MGME1: variants seen among roughly 807,000 people sequenced by gnomAD.
MGME1 encodes the protein mitochondrial genome maintenance exonuclease 1.
Under a neutral mutation model 33.0 loss-of-function variants are expected in MGME1, and 22 were observed. The observed-to-expected ratio is 0.67, with a 90% CI of 0.48 to 0.95. The LOEUF (loss-of-function observed/expected upper bound fraction) is 0.95, where lower values mean the gene tolerates loss of function less well. Among genes scored for constraint, MGME1 ranks in the 40% least tolerant of loss-of-function variants. The pLI, the probability that MGME1 is intolerant of heterozygous loss-of-function variation, is 0.00. For missense variants in MGME1, 383 were observed against 397.8 expected, an observed-to-expected ratio of 0.96 and a Z score of 0.32; for synonymous variants, 133 against 144.0, an observed-to-expected ratio of 0.92 and a Z score of 0.55.
At position 17,990,309 on chromosome 20, in the gene MGME1, G is replaced by A. The variant is rs1179315299; in HGVS notation, c.*200G>A. On this transcript the variant is annotated 3_prime_UTR_variant, in exon 5 of 5. Coordinates refer to ENST00000377710, the MANE Select transcript of MGME1 (RefSeq NM_052865.4). ...GTCTAGATATAAAGACCTAGACTTC[G>A]GCACGCGAAATCCCAGCTATGCTAC... is the stretch of plus-strand genomic sequence containing the variant. 1.7e-5 allele frequency: 10 copies of A among 584,350 alleles called. No homozygotes were observed. Among genetic ancestry groups the A allele is most frequent in the Middle Eastern group, 3.6e-4 (1 of 2,770 alleles). 36.2% of individuals were successfully genotyped at this position (584,350 alleles called of 1,614,324 possible).
intron 3 of MGME1, among the ~76,000 whole-genome samples, chr20:17,976,811 G>A (rs548283282): frequency 1.3e-5 from 2 of 152,162 alleles, no homozygotes; most frequent in East Asian, 2.0e-4. Flanking sequence ...ACAGGCATGC[G>A]CCACCATGTG....
chr20:17,981,648 C>CTGTGTGT (rs1491588702), intron 3 of MGME1, among the ~76,000 whole-genome samples: 45 of 139,696 alleles, frequency 3.2e-4, no homozygotes, highest in African/African-American at 1.2e-3. Flanking sequence ...ATCTACTACT[C>CTGTGTGT]GTGTGTGTGT....
chr20:17,986,199 G>T (rs2036150458), intron 3 of MGME1, among the ~76,000 whole-genome samples: 1 of 152,010 alleles, frequency 6.6e-6, no homozygotes, highest in Admixed American at 6.6e-5. Flanking sequence ...CTCCCGAGTA[G>T]CTGGGATTAC....
chr20:17,987,631 G>T lies in MGME1; in HGVS notation c.732-535G>T, dbSNP rs76095794. 8.5e-3 allele frequency among the ~76,000 whole-genome samples: 1,297 copies of T among 152,170 alleles called. 18 individuals carry two copies. Among genetic ancestry groups the T allele is most frequent in the African/African-American group, 0.03 (1,250 of 41,484 alleles). On this transcript the variant is annotated intron_variant, in intron 3 of 4. Transcript: ENST00000377710. ...GCTCACATTTTACTTCTTTTAGCCA[G>T]TGCTGCTCTAGACTGAGTTTGCATG...
intron 1 of MGME1, 53 bp from the exon 2 acceptor site, chr20:17,969,747 TG>T: frequency 1.8e-6 from 2 of 1,089,288 alleles, no homozygotes; most frequent in Non-Finnish European, 2.6e-6. Context: ...AATTTTGATG[TG>T]CAATATCATT....
intron 1 of MGME1, among the ~76,000 whole-genome samples, chr20:17,969,407 G>A (rs1352097989): frequency 6.6e-6 from 1 of 152,236 alleles, no homozygotes; most frequent in Non-Finnish European, 1.5e-5. Flanking sequence ...AGGACCAAAT[G>A]AGAAGTATCC....
At position 17,989,388 on chromosome 20, in the gene MGME1, CAAATAAATAAAT is replaced by C. The variant is rs58644150; in HGVS notation, c.865-529_865-518del. Reference sequence around the variant, plus strand: ...GCAACAGAGCAAGACTGTCTCTCTCCAAATAAATAAATAAATAAATAAATAAATAAATAGCAC... The same window carrying C: ...GCAACAGAGCAAGACTGTCTCTCTCCAAATAAATAAATAAATAAATAGCAC... On this transcript the variant is annotated intron_variant, in intron 4 of 4. Transcript: ENST00000377710. 9.4e-3 allele frequency among the ~76,000 whole-genome samples: 1,342 copies of C among 142,466 alleles called. 7 individuals carry two copies. The highest frequency in any genetic ancestry group is 0.014 in the African/African-American group (516 of 36,976). The allele number at this position is 142,466 out of a possible 152,430, so 93.5% of individuals were successfully genotyped here. A position where few individuals can be genotyped will look rare whatever the true frequency, so the allele number is the denominator to read the frequency against.
chr20:17,972,019 G>A (rs1007587195), intron 2 of MGME1, among the ~76,000 whole-genome samples: 2 of 152,118 alleles, frequency 1.3e-5, no homozygotes, highest in Non-Finnish European at 2.9e-5. Flanking sequence ...CTACAGGTGT[G>A]ACCCACTGTG....
At chr20:17,979,202 G>A (rs1010117293) in intron 3 of MGME1, among the ~76,000 whole-genome samples, 2 of 151,484 alleles carry the variant, frequency 1.3e-5, no homozygotes, top group African/African-American at 4.9e-5. Context: ...TCAGCCTCCT[G>A]AGTAGTTGGG....
chr20:17,968,771 C>A, upstream of MGME1: 2 of 333,154 alleles, frequency 6.0e-6, no homozygotes, highest in South Asian at 4.5e-5. Context: ...GGACACTCTC[C>A]CAGCAAGACG....
At position 17,990,530 on chromosome 20, in the gene MGME1, G is replaced by A. The variant is rs2036275737; in HGVS notation, c.*421G>A. 3 of 250,094 alleles carry A rather than the reference G, an allele frequency of 1.2e-5. No individual in the cohort carries two copies. Among genetic ancestry groups the A allele is most frequent in the South Asian group, 6.5e-5 (1 of 15,410 alleles). 15.5% of individuals were successfully genotyped at this position (250,094 alleles called of 1,614,324 possible). A position where few individuals can be genotyped will look rare whatever the true frequency, so the allele number is the denominator to read the frequency against. ...TCACCCAGAGGGGAAGGGGCTACAT[G>A]CCCCCAGCTGTGTGCAGGGAGGACA... On this transcript the variant is annotated 3_prime_UTR_variant, in exon 5 of 5. Coordinates refer to ENST00000377710, the MANE Select transcript of MGME1 (RefSeq NM_052865.4).
chr20:17,968,990 C>T (rs2122463089), upstream of MGME1: 1 of 154,216 alleles, frequency 6.5e-6, no homozygotes, highest in Non-Finnish European at 1.5e-5. Context: ...CGACGAAAGC[C>T]TCGGGTGGGG....
Position 17,969,840 on chromosome 20 carries a change from TA to T in MGME1, c.-17del. ...AGGCCTTCGACCGTTGCAAATAGAC[TA>T]AAGTGAAAACAAATCTGAATGAAGA... On this transcript the variant is annotated 5_prime_UTR_variant, in exon 2 of 5. Coordinates refer to ENST00000377710, the MANE Select transcript of MGME1 (RefSeq NM_052865.4). The T allele has an allele frequency of 3.1e-6, 5 of 1,587,760 alleles. No homozygotes were observed. The highest frequency in any genetic ancestry group is 3.4e-6 in the Non-Finnish European group (4 of 1,169,820).
intron 3 of MGME1, among the ~76,000 whole-genome samples, chr20:17,977,777 G>A (rs1202972529): frequency 2.0e-5 from 3 of 152,104 alleles, no homozygotes; most frequent in Non-Finnish European, 4.4e-5. Flanking sequence ...AACATCTAGA[G>A]GCTATGAATG....
Position 17,990,331 on chromosome 20 carries a change from C to T in MGME1, c.*222C>T. The stretch of plus-strand genomic sequence containing the variant: ...TTCGGCACGCGAAATCCCAGCTATG[C>T]TACCTCTTATTTACCTGAAAGGAGG... On this transcript the variant is annotated 3_prime_UTR_variant, in exon 5 of 5. Transcript: ENST00000377710. 1.8e-6 allele frequency: 1 copy of T among 551,274 alleles called. No individual in the cohort carries two copies. Among genetic ancestry groups the T allele is most frequent in the Non-Finnish European group, 3.2e-6 (1 of 307,994 alleles). 34.1% of individuals were successfully genotyped at this position (551,274 alleles called of 1,614,324 possible).
intron 3 of MGME1, among the ~76,000 whole-genome samples, chr20:17,976,207 T>G (rs2035862614): frequency 6.6e-6 from 1 of 152,202 alleles, no homozygotes; most frequent in East Asian, 1.9e-4. Flanking sequence ...CACTGCAACC[T>G]CCGTCTCCCA....
rs375953798 is a variant in MGME1 at position 17,974,609 on chromosome 20, T to C, written c.512-1075T>C. On this transcript the variant is annotated intron_variant, in intron 2 of 4. Coordinates refer to ENST00000377710, the MANE Select transcript of MGME1 (RefSeq NM_052865.4). ...GTGTCCTAATGAAATTTCTCTAGTA[T>C]TCACATGTTATAAAATGTTAGGAAG... 6.5e-4 allele frequency among the ~76,000 whole-genome samples: 99 copies of C among 152,298 alleles called. No individual in the cohort carries two copies. The East Asian group carries it at 0.011, about 17-fold the overall frequency.
chr20:17,983,268 TGTGTGTGTGTGTG>T (rs1402207695), intron 3 of MGME1, among the ~76,000 whole-genome samples: 1 of 17,342 alleles, frequency 5.8e-5, no homozygotes, highest in Non-Finnish European at 1.1e-4. Context: ...AGTGTTCTAT[TGTGTGTGTGTGTG>T]TGTGTGTGTG....
At chr20:17,973,093 C>T (rs1568606949) in intron 2 of MGME1, among the ~76,000 whole-genome samples, 1 of 152,074 alleles carries the variant, frequency 6.6e-6, no homozygotes, top group Non-Finnish European at 1.5e-5. Flanking sequence ...GCCTGTAATC[C>T]TAGCACTTTG....
Sources: gnomAD v4.1 joint callset for allele counts (sites outside exome capture counted in the v4.1 genomes callset) on GRCh38, gnomAD v4.1.1 for gene constraint, MANE v1.5 for transcripts, NCBI Gene and HGNC (gene_info 2026-07-23, HGNC 2026-07-21) for gene names.